PCDHGB2: variants seen among roughly 807,000 people sequenced by gnomAD.
PCDHGB2 encodes protocadherin gamma-B2.
Under a neutral mutation model 59.3 loss-of-function variants are expected in PCDHGB2, and 55 were observed. The ratio of observed to expected loss-of-function variants is 0.93; its 90% CI spans 0.75 to 1.16. The LOEUF is 1.16. PCDHGB2 is among the 50% of genes most tolerant of loss of function. The pLI is 0.00. For synonymous variants in PCDHGB2, 516 were observed against 512.0 expected, an observed-to-expected ratio of 1.01 and a Z score of -0.11; for missense variants, 1,228 against 1,198.5, an observed-to-expected ratio of 1.02 and a Z score of -0.36.
chr5:141,383,880 T>A, intron 1 of PCDHGB2: 2 of 1,613,994 alleles, frequency 1.2e-6, no homozygotes, highest in Non-Finnish European at 1.7e-6. Context: ...GTCCTGGTAG[T>A]CTGACAAAGG....
At chr5:141,404,391 A>C (rs773558298) in intron 1 of PCDHGB2, 1 of 1,613,924 alleles carries the variant, frequency 6.2e-7, no homozygotes, top group South Asian at 1.1e-5. Context: ...TATGACCCTG[A>C]TAGCAATGAG....
chr5:141,476,187 G>T lies in PCDHGB2; in HGVS notation c.2422-18620G>T. 1 of 1,613,782 alleles carries T rather than the reference G, an allele frequency of 6.2e-7. No individual in the cohort carries two copies. The highest frequency in any genetic ancestry group is 8.5e-7 in the Non-Finnish European group (1 of 1,180,028). ...GTAGTGGGAGTTTTGCTTCTGCTTG[G>T]TGCCTTGAACAAGGCTTCCACGGTC... On this transcript the variant is annotated intron_variant, in intron 1 of 3. Transcript: ENST00000522605. This position sits in a 1 kb window ranked among gnomAD's most constrained non-coding sequence, Gnocchi z 7.6.
At chr5:141,427,960 G>C (rs759698390) in intron 1 of PCDHGB2, 7 of 1,589,168 alleles carry the variant, frequency 4.4e-6, no homozygotes, top group South Asian at 1.1e-5. Flanking sequence ...AATGTGCCGC[G>C]GGTGCTGTAC....
intron 1 of PCDHGB2, among the ~76,000 whole-genome samples, chr5:141,439,161 C>T (rs1384707803): frequency 6.6e-6 from 1 of 150,850 alleles, no homozygotes; most frequent in Non-Finnish European, 1.5e-5. Flanking sequence ...CCACTGCACT[C>T]CAGCCTGGGC....
intron 1 of PCDHGB2, chr5:141,428,296 AT>A: frequency 1.4e-6 from 1 of 713,574 alleles, no homozygotes; most frequent in Non-Finnish European, 2.5e-6. Flanking sequence ...AAAGCTGCAG[AT>A]TTACCTGGTC....
chr5:141,477,671 G>A lies in PCDHGB2; in HGVS notation c.2422-17136G>A, dbSNP rs1022028453. The A allele has an allele frequency of 1.2e-6, 2 of 1,614,198 alleles. No individual in the cohort carries two copies. Among genetic ancestry groups the A allele is most frequent in the Non-Finnish European group, 1.7e-6 (2 of 1,180,048 alleles). Reference sequence around the variant, plus strand: ...CACAATAAATCGTGACAATGGCATAGTGTCATCCTTAGTGCCCCTAGACTA... The same window carrying A: ...CACAATAAATCGTGACAATGGCATAATGTCATCCTTAGTGCCCCTAGACTA... On this transcript the variant is annotated intron_variant, in intron 1 of 3. Coordinates refer to ENST00000522605, the MANE Select transcript of PCDHGB2 (RefSeq NM_018923.3). This position sits in a 1 kb window ranked among gnomAD's most constrained non-coding sequence, Gnocchi z 4.9.
intron 1 of PCDHGB2, chr5:141,430,452 A>G (rs566189732): frequency 2.0e-3 from 408 of 202,442 alleles, no homozygotes; most frequent in South Asian, 3.8e-3. Context: ...CCTTTTGAAG[A>G]ACAGTAGGTG....
Position 141,476,370 on chromosome 5 carries a change from A to G in PCDHGB2, c.2422-18437A>G, listed in dbSNP as rs747703594. 13 of 1,613,882 alleles carry G rather than the reference A, an allele frequency of 8.1e-6. No individual in the cohort carries two copies. In the East Asian group the frequency reaches 2.7e-4, roughly 33 times the overall value. On this transcript the variant is annotated intron_variant, in intron 1 of 3. Transcript: ENST00000522605. This position sits in a 1 kb window ranked among gnomAD's most constrained non-coding sequence, Gnocchi z 7.6. ...TTTGAGGTGAACCGGGAGACCGGAG[A>G]GATGTTTGTGAACGACCGTCTGGAT...
At position 141,403,226 on chromosome 5, in the gene PCDHGB2, CG is replaced by C. The variant is rs539681713; in HGVS notation, c.2421+40673del. On this transcript the variant is annotated intron_variant, in intron 1 of 3. Transcript: ENST00000522605. Reference sequence around the variant, plus strand: ...CTTGGTCACCGCGGGTAGGATAGACCGGGAGGAGCTCTGTGCTCAGAGCCCG... The same window carrying C: ...CTTGGTCACCGCGGGTAGGATAGACCGGAGGAGCTCTGTGCTCAGAGCCCG... 1.5e-3 allele frequency: 2,492 copies of C among 1,613,926 alleles called. 3 individuals are homozygous for C. The highest frequency in any genetic ancestry group is 1.8e-3 in the Non-Finnish European group (2,143 of 1,179,902).
At chr5:141,443,467 C>T (rs2098389901) in intron 1 of PCDHGB2, among the ~76,000 whole-genome samples, 2 of 152,156 alleles carry the variant, frequency 1.3e-5, no homozygotes, top group African/African-American at 4.8e-5. Context: ...GTCTGGGTGA[C>T]AGAATTAGAC....
Position 141,489,564 on chromosome 5 carries a change from G to A in PCDHGB2, c.2422-5243G>A, listed in dbSNP as rs375200685. The A allele has an allele frequency of 1.9e-6, 3 of 1,613,980 alleles. No homozygotes were observed. Among genetic ancestry groups the A allele is most frequent in the Non-Finnish European group, 1.7e-6 (2 of 1,180,020 alleles). On this transcript the variant is annotated intron_variant, in intron 1 of 3. Transcript: ENST00000522605. This position sits in a 1 kb window ranked among gnomAD's most constrained non-coding sequence, Gnocchi z 4.5. Reference sequence around the variant, plus strand: ...CCAGCTGCCTGCTGCCAGTGCAGGTGGTGACTGAACACCCCCTGGAGCTAA... The same window carrying A: ...CCAGCTGCCTGCTGCCAGTGCAGGTAGTGACTGAACACCCCCTGGAGCTAA...
chr5:141,403,661 G>C (rs2094439419), intron 1 of PCDHGB2: 1 of 1,613,904 alleles, frequency 6.2e-7, no homozygotes, highest in Non-Finnish European at 8.5e-7. Context: ...GGATACAAAT[G>C]ATAATGCCCC....
intron 1 of PCDHGB2, chr5:141,417,732 C>G (rs2096153715): frequency 4.3e-6 from 6 of 1,390,462 alleles, no homozygotes; most frequent in Non-Finnish European, 3.8e-6. Flanking sequence ...AGACCTTGCC[C>G]AGCACACCAG....
intron 1 of PCDHGB2, among the ~76,000 whole-genome samples, chr5:141,430,322 C>G (rs1266324669): frequency 6.7e-6 from 1 of 150,364 alleles, no homozygotes; most frequent in Non-Finnish European, 1.5e-5. Flanking sequence ...AGATTAAAAT[C>G]ATTGTTTATA....
At position 141,360,244 on chromosome 5, in the gene PCDHGB2, A is replaced by G. The variant is rs764630528; in HGVS notation, c.109A>G (p.Ile37Val). Residue 37 changes from isoleucine (I) to valine (V), a missense_variant, in exon 1 of 4, where the codon ATT becomes GTT. Ile to Val is a conservative substitution (Grantham distance 29). Coordinates refer to ENST00000522605, the MANE Select transcript of PCDHGB2 (RefSeq NM_018923.3). ...GALPVQIRYS[I>V]PEELAKNSVV... ...TCTCCCAGTCCAGATCCGCTATTCA[A>G]TTCCAGAGGAGCTGGCCAAAAACTC... is the stretch of plus-strand genomic sequence containing the variant. The G allele has an allele frequency of 1.9e-6, 3 of 1,613,962 alleles. No individual in the cohort carries two copies. Among genetic ancestry groups the G allele is most frequent in the Non-Finnish European group, 2.5e-6 (3 of 1,179,880 alleles).
rs4042104 is a variant in PCDHGB2 at position 141,489,091 on chromosome 5, T to TAAG, written c.2422-5713_2422-5711dup. On this transcript the variant is annotated intron_variant, in intron 1 of 3. Transcript: ENST00000522605. This position sits in a 1 kb window ranked among gnomAD's most constrained non-coding sequence, Gnocchi z 4.5. Reference sequence around the variant, plus strand: ...CTGCCCACCCCCGCCACTCGGTGACTAAGAACTGCTGCAAGCAGGCAAACC... The same window carrying TAAG: ...CTGCCCACCCCCGCCACTCGGTGACTAAGAAGAACTGCTGCAAGCAGGCAAACC... 136,009 of 332,164 alleles carry TAAG rather than the reference T, an allele frequency of 0.41. 28,517 individuals are homozygous for TAAG. The highest frequency in any genetic ancestry group is 0.54 in the Admixed American group (11,651 of 21,676). The allele number at this position is 332,164 out of a possible 1,614,324, so 20.6% of individuals were successfully genotyped here.
rs750397953 is a variant in PCDHGB2 at position 141,409,543 on chromosome 5, C to CA, written c.2421+46989dup. 2.4e-5 allele frequency: 38 copies of CA among 1,613,884 alleles called. No individual in the cohort carries two copies. The South Asian group carries it at 4.1e-4, about 17-fold the overall frequency. On this transcript the variant is annotated intron_variant, in intron 1 of 3. Transcript: ENST00000522605. ...CCTTGTATGTCGCTGACATCAACGACAACGCCCCAGTTTTCGACCAGACGT... is the reference window on the plus strand; with the variant it reads ...CCTTGTATGTCGCTGACATCAACGACAAACGCCCCAGTTTTCGACCAGACGT...
intron 1 of PCDHGB2, chr5:141,478,553 T>G (rs1593930915): frequency 6.2e-7 from 1 of 1,602,704 alleles, no homozygotes; most frequent in Non-Finnish European, 8.5e-7. Context: ...ACAGGTAAGG[T>G]TTAGCAAGTC....
chr5:141,374,301 A>T, intron 1 of PCDHGB2: 1 of 1,613,996 alleles, frequency 6.2e-7, no homozygotes, highest in Non-Finnish European at 8.5e-7. Flanking sequence ...GGTAGGATGC[A>T]GCTTTTCTCT....
Sources: gnomAD v4.1 joint callset for allele counts (sites outside exome capture counted in the v4.1 genomes callset) on GRCh38, gnomAD v4.1.1 for gene constraint, Gnocchi (gnomAD v3.1) non-coding constraint, MANE v1.5 for transcripts, NCBI Gene and HGNC (gene_info 2026-07-23, HGNC 2026-07-21) for gene names.